PAK3: variants seen among roughly 807,000 people sequenced by gnomAD.
PAK3 encodes p21 (RAC1) activated kinase 3.
PAK3 carries 4 observed loss-of-function variants against 41.0 expected under a neutral mutation model. That is an observed-to-expected ratio of 0.10 (90% CI 0.05 to 0.22). The LOEUF is 0.22. Ranked by LOEUF, PAK3 falls within the 10% of genes least tolerant of loss-of-function variation. The pLI, the probability that PAK3 is intolerant of heterozygous loss-of-function variation, is 1.00. For synonymous variants in PAK3, 146 were observed against 139.6 expected (o/e 1.05, Z -0.32); for missense variants, 205 against 409.9 (o/e 0.50, Z 4.32).
chrX:111,063,042 C>T (rs373942677), intron 1 of PAK3, among the ~76,000 whole-genome samples: 1 of 111,983 alleles, frequency 8.9e-6, no homozygotes, highest in East Asian at 2.8e-4. Flanking sequence ...TAACCAGTGG[C>T]TGAAGCCAAA....
intron 1 of PAK3, among the ~76,000 whole-genome samples, chrX:110,984,881 C>T (rs961200046): frequency 3.6e-5 from 4 of 110,033 alleles, no homozygotes; most frequent in African/African-American, 9.9e-5. Context: ...GTAATTCCAG[C>T]ACTTTGGGAG....
chrX:110,988,637 A>G (rs933727907), intron 1 of PAK3, among the ~76,000 whole-genome samples: 10 of 111,986 alleles, frequency 8.9e-5, no homozygotes, highest in Non-Finnish European at 1.7e-4. Context: ...GTCAAGTCTC[A>G]GATAAGACAA....
intron 1 of PAK3, among the ~76,000 whole-genome samples, chrX:111,009,628 T>G (rs756496936): frequency 2.7e-5 from 3 of 112,629 alleles, no homozygotes; most frequent in Non-Finnish European, 5.6e-5. Context: ...TGCTTCATAT[T>G]AAAGCATCTA....
chrX:111,150,499 G>T (rs1198395391), intron 7 of PAK3, among the ~76,000 whole-genome samples: 1 of 111,862 alleles, frequency 8.9e-6, no homozygotes, highest in Non-Finnish European at 1.9e-5. Context: ...ACATGGCTGG[G>T]GAGGCCTCAG....
intron 6 of PAK3, among the ~76,000 whole-genome samples, chrX:111,142,887 C>A (rs190858529): frequency 1.8e-5 from 2 of 110,488 alleles, no homozygotes; most frequent in Non-Finnish European, 3.8e-5. Flanking sequence ...ATAGATCAAG[C>A]CTTTTGCTGA....
At position 111,225,087 on chromosome X, in the gene PAK3, C is replaced by T. The variant is rs761859692; in HGVS notation, c.*4640C>T. The T allele has an allele frequency of 1.8e-5, 2 of 111,872 alleles. No homozygotes were observed. Among genetic ancestry groups the T allele is most frequent in the South Asian group, 3.8e-4 (1 of 2,651 alleles). 9.2% of individuals were successfully genotyped at this position (111,872 alleles called of 1,213,427 possible). A position where few individuals can be genotyped will look rare whatever the true frequency, so the allele number is the denominator to read the frequency against. ...AGTGAACTCAGCACACAATTCTGAA[C>T]GTGTATTTGCATGTGGACTGGGAAG... On this transcript the variant is annotated 3_prime_UTR_variant, in exon 18 of 18. Transcript: ENST00000372007.
At chrX:111,131,296 A>G (rs1037712615) in intron 5 of PAK3, among the ~76,000 whole-genome samples, 1 of 111,521 alleles carries the variant, frequency 9.0e-6, no homozygotes, top group Non-Finnish European at 1.9e-5. Context: ...AGATTCATTC[A>G]TGATCCAGAA....
intron 8 of PAK3, among the ~76,000 whole-genome samples, chrX:111,154,174 A>C (rs947536592): frequency 6.3e-5 from 7 of 111,567 alleles, no homozygotes; most frequent in East Asian, 2.8e-4. Context: ...ATGGGTACAG[A>C]GTTTCAGTTT....
intron 3 of PAK3, chrX:111,098,721 G>C (rs2093058165): frequency 9.2e-6 from 1 of 109,033 alleles, no homozygotes; most frequent in Admixed American, 9.7e-5. Context: ...CAGGTAGGTT[G>C]ACTGCTTTTA....
intron 1 of PAK3, among the ~76,000 whole-genome samples, chrX:110,946,177 G>C (rs758153545): frequency 9.0e-6 from 1 of 111,264 alleles, no homozygotes; most frequent in African/African-American, 3.3e-5. Flanking sequence ...GTTGAGTCTT[G>C]AAGAATTAAT....
chrX:111,099,126 G>C (rs2093071863), intron 3 of PAK3, among the ~76,000 whole-genome samples: 2 of 112,420 alleles, frequency 1.8e-5, no homozygotes, highest in Admixed American at 9.3e-5. Context: ...TAGGGTTACC[G>C]GAGAACCAAA....
intron 8 of PAK3, among the ~76,000 whole-genome samples, chrX:111,160,801 A>AT (rs770948688): frequency 9.0e-6 from 1 of 111,286 alleles, no homozygotes; most frequent in Admixed American, 9.5e-5. Flanking sequence ...TGAACTCATC[A>AT]TTTTTTGTGG....
chrX:111,086,700 G>C (rs766044643), intron 1 of PAK3, among the ~76,000 whole-genome samples: 2 of 111,509 alleles, frequency 1.8e-5, no homozygotes, highest in East Asian at 2.8e-4. Flanking sequence ...TTGTTAGCAG[G>C]GGTTTGTGGG....
intron 1 of PAK3, among the ~76,000 whole-genome samples, chrX:110,986,437 C>A (rs1400632859): frequency 8.9e-6 from 1 of 111,784 alleles, no homozygotes; most frequent in Non-Finnish European, 1.9e-5. Context: ...AGGGAAAACA[C>A]AGCATAATCC....
chrX:111,143,392 A>G (rs16986383), intron 6 of PAK3, among the ~76,000 whole-genome samples: 1,789 of 111,458 alleles, frequency 0.016, 47 homozygotes, highest in African/African-American at 0.055. Context: ...GAAACAGTAA[A>G]CACCTTGGCC....
intron 1 of PAK3, among the ~76,000 whole-genome samples, chrX:110,999,663 T>A (rs1302113783): frequency 1.9e-5 from 2 of 104,228 alleles, no homozygotes; most frequent in Admixed American, 2.0e-4. Context: ...GTGGTATTAT[T>A]TTTTATAAAA....
At chrX:110,952,429 T>C (rs187004443) in intron 1 of PAK3, among the ~76,000 whole-genome samples, 1 of 111,442 alleles carries the variant, frequency 9.0e-6, no homozygotes, top group Admixed American at 9.5e-5. Flanking sequence ...GCTCCAAGAG[T>C]TGGACACTGC....
At chrX:111,133,052 A>G (rs1022903142) in intron 5 of PAK3, among the ~76,000 whole-genome samples, 1 of 111,710 alleles carries the variant, frequency 9.0e-6, no homozygotes, top group African/African-American at 3.3e-5. Context: ...CCACCATGGC[A>G]TGTGTACCTT....
At chrX:111,082,816 T>C (rs948267722) in intron 1 of PAK3, among the ~76,000 whole-genome samples, 2 of 111,485 alleles carry the variant, frequency 1.8e-5, no homozygotes, top group African/African-American at 6.5e-5. Flanking sequence ...GATGATATTC[T>C]CCTGTATATT....
Sources: gnomAD v4.1 joint callset for allele counts (sites outside exome capture counted in the v4.1 genomes callset) on GRCh38, gnomAD v4.1.1 for gene constraint, MANE v1.5 for transcripts, NCBI Gene and HGNC (gene_info 2026-07-23, HGNC 2026-07-21) for gene names.